Variants in FOCAD observed in about 807,000 individuals in gnomAD.
FOCAD encodes the protein KIAA1797.
A neutral mutation model predicts 225.6 loss-of-function variants in FOCAD; 198 were observed. The ratio of observed to expected loss-of-function variants is 0.88; its 90% CI spans 0.78 to 0.99. The LOEUF (loss-of-function observed/expected upper bound fraction) is 0.99, where lower values mean the gene tolerates loss of function less well. Ranked by LOEUF, FOCAD falls within the 50% of genes least tolerant of loss-of-function variation. The probability of loss-of-function intolerance (pLI) is 0.00; values close to 1 mark genes in which losing one functional copy is unlikely to be tolerated. For missense variants in FOCAD, 2,713 were observed against 2,123.6 expected, an observed-to-expected ratio of 1.28 and a Z score of -5.46; for synonymous variants, 897 against 755.0, an observed-to-expected ratio of 1.19 and a Z score of -3.08.
intron 39 of FOCAD, 137 bp from the exon 40 acceptor site, chr9:20,986,151 A>G: frequency 2.7e-6 from 2 of 750,510 alleles, no homozygotes; most frequent in Non-Finnish European, 3.9e-6. Flanking sequence ...ACACAGGCAG[A>G]TGGGTCATGT....
intron 4 of FOCAD, among the ~76,000 whole-genome samples, chr9:20,732,237 C>T (rs185761125): frequency 2.0e-5 from 3 of 152,284 alleles, no homozygotes; most frequent in Admixed American, 2.0e-4. Flanking sequence ...GTTATAGAAA[C>T]TCATTCAAAG....
At chr9:20,696,828 T>C (rs1823410919) in intron 1 of FOCAD, among the ~76,000 whole-genome samples, 2 of 151,688 alleles carry the variant, frequency 1.3e-5, no homozygotes, top group South Asian at 4.2e-4. Context: ...ATAATAATAA[T>C]TAATTGCCAT....
chr9:20,925,543 C>G (rs1388996074), intron 25 of FOCAD, among the ~76,000 whole-genome samples: 1 of 152,182 alleles, frequency 6.6e-6, no homozygotes, highest in Admixed American at 6.5e-5. Context: ...TTGAAACTTT[C>G]AAACATTATT....
intron 6 of FOCAD, 21 bp downstream of exon 6, chr9:20,758,212 A>C (rs769245802): frequency 6.4e-7 from 1 of 1,567,148 alleles, no homozygotes; most frequent in Non-Finnish European, 8.7e-7. Flanking sequence ...ATAAAAGTGT[A>C]AAATAAAGTG....
chr9:20,986,025 T>C (rs1841119283), intron 39 of FOCAD, among the ~76,000 whole-genome samples: 1 of 152,114 alleles, frequency 6.6e-6, no homozygotes, highest in Non-Finnish European at 1.5e-5. Context: ...ATTATTATTG[T>C]TTGTGTATAT....
At chr9:20,784,601 C>A (rs1160936495) in intron 10 of FOCAD, among the ~76,000 whole-genome samples, 3 of 152,114 alleles carry the variant, frequency 2.0e-5, no homozygotes, top group African/African-American at 4.8e-5. Flanking sequence ...CTGTTTTAGT[C>A]AGCATAACAA....
intron 1 of FOCAD, among the ~76,000 whole-genome samples, chr9:20,694,823 A>G (rs1823222330): frequency 6.6e-6 from 1 of 152,218 alleles, no homozygotes; most frequent in Non-Finnish European, 1.5e-5. Flanking sequence ...TAACAACCCT[A>G]ACAAAATTAA....
intron 4 of FOCAD, 55 bp downstream of exon 4, chr9:20,720,589 T>C (rs574943528): frequency 6.4e-7 from 1 of 1,570,384 alleles, no homozygotes; most frequent in East Asian, 2.2e-5. Flanking sequence ...AGGAAAAAAA[T>C]TCACTAAATC....
At chr9:20,947,133 T>C (rs1276420934) in intron 30 of FOCAD, among the ~76,000 whole-genome samples, 8 of 152,186 alleles carry the variant, frequency 5.3e-5, no homozygotes, top group Admixed American at 4.6e-4. Context: ...ATAAGAGTTA[T>C]GTAAAGTTAG....
intron 4 of FOCAD, among the ~76,000 whole-genome samples, chr9:20,727,325 A>T (rs1421818949): frequency 6.6e-6 from 1 of 152,178 alleles, no homozygotes; most frequent in Non-Finnish European, 1.5e-5. Flanking sequence ...GCTTTGTCAC[A>T]AAATCTTCCA....
At chr9:20,705,886 A>G (rs1248489926) in intron 1 of FOCAD, among the ~76,000 whole-genome samples, 1 of 151,000 alleles carries the variant, frequency 6.6e-6, no homozygotes, top group Non-Finnish European at 1.5e-5. Flanking sequence ...GAATAATTAG[A>G]GAAAATTTGT....
chr9:20,706,735 C>A (rs1342787959), intron 1 of FOCAD, among the ~76,000 whole-genome samples: 1 of 152,120 alleles, frequency 6.6e-6, no homozygotes, highest in East Asian at 1.9e-4. Flanking sequence ...TAAGGAAGTG[C>A]TAGATATTGC....
chr9:20,849,482 C>G (rs1175978144), intron 15 of FOCAD, among the ~76,000 whole-genome samples: 1 of 151,722 alleles, frequency 6.6e-6, no homozygotes, highest in African/African-American at 2.4e-5. Context: ...CTAGGAATAA[C>G]TTAACCAACA....
chr9:20,680,239 C>T (rs202116760), upstream of FOCAD, among the ~76,000 whole-genome samples: 11 of 152,078 alleles, frequency 7.2e-5, no homozygotes, highest in East Asian at 5.8e-4. Flanking sequence ...GTTTTTTGTC[C>T]GGCCTTCACC....
rs1452049290 is a variant in FOCAD at position 20,885,868 on chromosome 9, TAACAA to T, written c.2625+646_2625+650del. Among the ~76,000 whole-genome samples the T allele has an allele frequency of 3.3e-5, 5 of 152,216 alleles. 1 individual carries two copies. The East Asian group carries it at 9.7e-4, about 29-fold the overall frequency. ...ATACAAATTAAAATGTATGAATGAATAACAAAACAAAATGTCACAGCAAAGAGATT... is the reference window on the plus strand; with the variant it reads ...ATACAAATTAAAATGTATGAATGAATAACAAAATGTCACAGCAAAGAGATT... On this transcript the variant is annotated intron_variant, in intron 21 of 43. Transcript: ENST00000338382.
intron 7 of FOCAD, among the ~76,000 whole-genome samples, chr9:20,766,592 C>G (rs1563963864): frequency 6.6e-6 from 1 of 152,070 alleles, no homozygotes; most frequent in Non-Finnish European, 1.5e-5. Context: ...AAAACCCCAT[C>G]TGTATCCTAT....
chr9:20,765,647 T>A (rs1829992220), intron 7 of FOCAD, among the ~76,000 whole-genome samples: 1 of 152,106 alleles, frequency 6.6e-6, no homozygotes, highest in Non-Finnish European at 1.5e-5. Context: ...AGTAGAAAGA[T>A]GAAAGGTGGT....
At chr9:20,685,325 G>A (rs186244279) in intron 1 of FOCAD, among the ~76,000 whole-genome samples, 2 of 152,010 alleles carry the variant, frequency 1.3e-5, no homozygotes, top group African/African-American at 4.8e-5. Context: ...AAGAGGAATG[G>A]GATTAGTATA....
intron 6 of FOCAD, among the ~76,000 whole-genome samples, chr9:20,764,399 G>A (rs1052422853): frequency 5.9e-5 from 9 of 152,228 alleles, no homozygotes; most frequent in African/African-American, 2.2e-4. Flanking sequence ...GACTACAGGT[G>A]CATGCCACCA....
Sources: allele counts gnomAD v4.1 joint callset (sites outside exome capture counted in the v4.1 genomes callset), GRCh38; gene constraint gnomAD v4.1.1; transcripts MANE v1.5; gene names NCBI Gene and HGNC (gene_info 2026-07-23, HGNC 2026-07-21).